Variants in MACROD2 observed in about 807,000 individuals in gnomAD.
MACROD2 encodes the protein mono-ADP ribosylhydrolase 2.
Under a neutral mutation model 70.4 loss-of-function variants are expected in MACROD2, and 36 were observed. That is an observed-to-expected ratio of 0.51 (90% CI 0.39 to 0.68). The LOEUF (loss-of-function observed/expected upper bound fraction) is 0.68, where lower values mean the gene tolerates loss of function less well. Among genes scored for constraint, MACROD2 ranks in the 30% least tolerant of loss-of-function variants. The pLI, the probability that MACROD2 is intolerant of heterozygous loss-of-function variation, is 0.00. For synonymous variants in MACROD2, 172 were observed against 178.8 expected (o/e 0.96, Z 0.30); for missense variants, 496 against 538.4 (o/e 0.92, Z 0.78).
chr20:14,419,912 G>A (rs2083856262), intron 3 of MACROD2, among the ~76,000 whole-genome samples: 2 of 151,920 alleles, frequency 1.3e-5, no homozygotes, highest in South Asian at 4.1e-4. Context: ...AATGTATCAT[G>A]TGGATAAATC....
intron 2 of MACROD2, among the ~76,000 whole-genome samples, chr20:14,056,458 T>C (rs1480944788): frequency 6.6e-6 from 1 of 152,000 alleles, no homozygotes; most frequent in East Asian, 1.9e-4. Flanking sequence ...TCCATTTTTC[T>C]TTTTGTGCAA....
intron 6 of MACROD2, among the ~76,000 whole-genome samples, chr20:15,365,330 C>T (rs773345800): frequency 6.6e-6 from 1 of 152,058 alleles, no homozygotes; most frequent in Non-Finnish European, 1.5e-5. Context: ...AAACTTGGAG[C>T]CTCTCTATCC....
At chr20:14,447,976 A>ATGTG (rs11087090) in intron 3 of MACROD2, among the ~76,000 whole-genome samples, 40,471 of 142,940 alleles carry the variant, frequency 0.28, 5,730 homozygotes, top group Admixed American at 0.31. Context: ...ACCCATGAAA[A>ATGTG]TGTGTGTGTG....
At chr20:14,363,432 C>T (rs569742588) in intron 3 of MACROD2, among the ~76,000 whole-genome samples, 5 of 152,098 alleles carry the variant, frequency 3.3e-5, no homozygotes, top group African/African-American at 7.2e-5. Context: ...ATACTGCCTA[C>T]GTTATCAGTT....
Position 14,793,272 on chromosome 20 carries a change from G to A in MACROD2, c.418+108313G>A, listed in dbSNP as rs137991795. On this transcript the variant is annotated intron_variant, in intron 5 of 17. Transcript: ENST00000684519. Reference sequence around the variant, plus strand: ...TAAACATATATAGTATTCAATAAAAGCATAGTGGCAGAATAAACAGTTCTT... The same window carrying A: ...TAAACATATATAGTATTCAATAAAAACATAGTGGCAGAATAAACAGTTCTT... 5.1e-3 allele frequency among the ~76,000 whole-genome samples: 779 copies of A among 152,078 alleles called. 16 individuals carry two copies. The highest frequency in any genetic ancestry group is 0.018 in the African/African-American group (728 of 41,466).
chr20:16,003,074 C>CACACACACA (rs1568700473), intron 15 of MACROD2, among the ~76,000 whole-genome samples: 2 of 37,640 alleles, frequency 5.3e-5, no homozygotes, highest in Admixed American at 2.9e-4. Context: ...GAAAACCCAC[C>CACACACACA]CACCCACCCA....
At chr20:16,042,440 C>T (rs1016457611) in intron 16 of MACROD2, among the ~76,000 whole-genome samples, 19 of 152,110 alleles carry the variant, frequency 1.2e-4, no homozygotes, top group African/African-American at 4.1e-4. Flanking sequence ...ATGTGAAATA[C>T]GGAGTTTTAG....
At chr20:15,265,041 A>C (rs1203331947) in intron 6 of MACROD2, among the ~76,000 whole-genome samples, 1 of 152,214 alleles carries the variant, frequency 6.6e-6, no homozygotes, top group Non-Finnish European at 1.5e-5. Context: ...TCATTACATG[A>C]ATTAATCAGA....
intron 8 of MACROD2, among the ~76,000 whole-genome samples, chr20:15,697,610 G>T (rs117984216): frequency 0.044 from 6,621 of 152,166 alleles, 287 homozygotes; most frequent in East Asian, 0.21. Context: ...GCTTCTTTGT[G>T]GACTTTCTGT....
At chr20:14,593,598 A>G (rs1245363500) in intron 4 of MACROD2, among the ~76,000 whole-genome samples, 1 of 152,202 alleles carries the variant, frequency 6.6e-6, no homozygotes, top group African/African-American at 2.4e-5. Flanking sequence ...AAAACAAAGT[A>G]TATGAAATAT....
intron 4 of MACROD2, among the ~76,000 whole-genome samples, chr20:14,609,631 A>T (rs889285571): frequency 1.3e-5 from 2 of 152,116 alleles, no homozygotes; most frequent in African/African-American, 4.8e-5. Context: ...TAGGAGTATC[A>T]TTCTTCTCCC....
At chr20:15,051,184 C>T (rs1158577533) in intron 5 of MACROD2, among the ~76,000 whole-genome samples, 3 of 152,020 alleles carry the variant, frequency 2.0e-5, no homozygotes, top group Admixed American at 6.5e-5. Context: ...AGTTTGTGAC[C>T]GCAAATGGCT....
intron 5 of MACROD2, among the ~76,000 whole-genome samples, chr20:14,748,503 T>C (rs2071828520): frequency 6.6e-6 from 1 of 152,062 alleles, no homozygotes; most frequent in Non-Finnish European, 1.5e-5. Context: ...TCTTAACATG[T>C]CTTTGTAGGG....
At chr20:15,583,811 T>A (rs2048560069) in intron 8 of MACROD2, among the ~76,000 whole-genome samples, 1 of 152,112 alleles carries the variant, frequency 6.6e-6, no homozygotes, top group Non-Finnish European at 1.5e-5. Context: ...GCCCGGCTTT[T>A]TATATTTTCT....
At chr20:14,077,114 T>A (rs2053925149) in intron 2 of MACROD2, among the ~76,000 whole-genome samples, 1 of 152,054 alleles carries the variant, frequency 6.6e-6, no homozygotes. Context: ...TATGTCTGCC[T>A]GGAAATTGTT....
At chr20:14,056,503 C>G (rs2053632372) in intron 2 of MACROD2, among the ~76,000 whole-genome samples, 1 of 151,814 alleles carries the variant, frequency 6.6e-6, no homozygotes, top group African/African-American at 2.4e-5. Context: ...TTCTAAATTA[C>G]AGATTTGAGT....
At chr20:15,636,965 A>G (rs1409916893) in intron 8 of MACROD2, among the ~76,000 whole-genome samples, 1 of 152,222 alleles carries the variant, frequency 6.6e-6, no homozygotes, top group Non-Finnish European at 1.5e-5. Flanking sequence ...CTACTCCAGG[A>G]AGCCACTTCA....
intron 2 of MACROD2, among the ~76,000 whole-genome samples, chr20:14,029,796 T>C (rs1312184048): frequency 1.3e-5 from 2 of 152,222 alleles, no homozygotes; most frequent in Admixed American, 6.5e-5. Context: ...AATTTACCTT[T>C]GTACTAAGTG....
chr20:14,415,990 C>T (rs186616281), intron 3 of MACROD2, among the ~76,000 whole-genome samples: 9 of 148,968 alleles, frequency 6.0e-5, no homozygotes, highest in Admixed American at 2.7e-4. Context: ...GACTGAGTCT[C>T]GCTCTGTTGC....
Sources: gnomAD v4.1 joint callset for allele counts (sites outside exome capture counted in the v4.1 genomes callset) on GRCh38, gnomAD v4.1.1 for gene constraint, MANE v1.5 for transcripts, NCBI Gene and HGNC (gene_info 2026-07-23, HGNC 2026-07-21) for gene names.